The following LOXHD1 variants were observed in gnomAD, a reference collection of about 807,000 sequenced individuals.
LOXHD1 encodes the protein lipoxygenase homology domain-containing protein 1.
LOXHD1 carries 205 observed loss-of-function variants against 248.2 expected under a neutral mutation model. The ratio of observed to expected loss-of-function variants is 0.83; its 90% CI spans 0.74 to 0.93. The LOEUF (loss-of-function observed/expected upper bound fraction) is 0.93. LOXHD1 is among the 40% of genes least tolerant of loss of function. The pLI, the probability that LOXHD1 is intolerant of heterozygous loss-of-function variation, is 0.00. For synonymous variants in LOXHD1, 1,113 were observed against 1,162.8 expected (o/e 0.96, Z 0.87); for missense variants, 2,930 against 2,971.6 (o/e 0.99, Z 0.33).
intron 37 of LOXHD1, among the ~76,000 whole-genome samples, chr18:46,494,366 C>T (rs2033693778): frequency 6.6e-6 from 1 of 152,178 alleles, no homozygotes; most frequent in Non-Finnish European, 1.5e-5. Context: ...GCACAAACCA[C>T]TAAAAATTCT....
In LOXHD1 at chr18:46,485,063, T is replaced by A. The variant is rs898486295; in HGVS notation, c.6138A>T (p.Lys2046Asn). Residue 2046 changes from lysine (K) to asparagine (N), a missense_variant, in exon 39 of 41, where the codon AAA becomes AAT. By Grantham distance (94) the Lys-to-Asn change is moderately conservative. Transcript: ENST00000642948. ...TAGAAGAATTTTCCATGAGAAACTC[T>A]TTGGATCGGTTCTTCCTGCCCTCCA... ...LILEGRKNRSKEFLMENSSRQ... is the reference protein window; with the variant it reads ...LILEGRKNRSNEFLMENSSRQ... 1.3e-6 allele frequency: 2 copies of A among 1,550,902 alleles called. No homozygotes were observed. Among genetic ancestry groups the A allele is most frequent in the Non-Finnish European group, 1.7e-6 (2 of 1,146,792 alleles).
At position 46,483,648 on chromosome 18, in the gene LOXHD1, T is replaced by G. The variant is rs2032775671; in HGVS notation, c.6280A>C (p.Lys2094Gln). Reference protein sequence around the residue: ...HLAREDRFIPKRELAWHVKTI... With the variant: ...HLAREDRFIPQRELAWHVKTI... ...TTGACATGCCAGGCAAGTTCTCTCTTGGGGATAAACCGGTCTTCCCTGGCA... is the reference window on the plus strand; with the variant it reads ...TTGACATGCCAGGCAAGTTCTCTCTGGGGGATAAACCGGTCTTCCCTGGCA... Residue 2094 changes from lysine (K) to glutamine (Q), a missense_variant, in exon 40 of 41, where the codon AAG becomes CAG. By Grantham distance (53) the Lys-to-Gln change is moderately conservative. Coordinates refer to ENST00000642948, the MANE Select transcript of LOXHD1 (RefSeq NM_001384474.1). 6.4e-7 allele frequency: 1 copy of G among 1,551,608 alleles called. No individual in the cohort carries two copies. Among genetic ancestry groups the G allele is most frequent in the Non-Finnish European group, 8.7e-7 (1 of 1,146,976 alleles).
chr18:46,618,209 C>T lies in LOXHD1; in HGVS notation c.593G>A (p.Gly198Glu), dbSNP rs2038616626. The T allele has an allele frequency of 1.9e-6, 3 of 1,551,056 alleles. No homozygotes were observed. The highest frequency in any genetic ancestry group is 2.6e-6 in the Non-Finnish European group (3 of 1,146,584). The change falls in exon 5 of 41, where the codon GGA (glycine) becomes GAA (glutamate). Residue 198 changes from glycine (G) to glutamate (E), a missense_variant. Coordinates refer to ENST00000642948, the MANE Select transcript of LOXHD1 (RefSeq NM_001384474.1). ...TDADVFINIF[G>E]EYGDTGERRL... ...CCCATTACCTGTGTCTCCATACTCT[C>T]CAAAAATATTGATGAAGACATCAGC...
intron 6 of LOXHD1, among the ~76,000 whole-genome samples, chr18:46,608,724 C>G (rs2038460068): frequency 6.6e-6 from 1 of 152,338 alleles, no homozygotes; most frequent in East Asian, 1.9e-4. Context: ...CTGGTACCCT[C>G]CAGGCTTGCT....
At chr18:46,488,892 C>T in intron 38 of LOXHD1, 80 bp downstream of exon 38, 1 of 1,458,022 alleles carries the variant, frequency 6.9e-7, no homozygotes, top group Non-Finnish European at 9.3e-7. Context: ...GCACCTGACC[C>T]CCCTCCAGCT....
chr18:46,496,533 CAT>C (rs1206780183), intron 37 of LOXHD1, among the ~76,000 whole-genome samples: 1 of 151,980 alleles, frequency 6.6e-6, no homozygotes, highest in African/African-American at 2.4e-5. Flanking sequence ...TTAAAATAAA[CAT>C]AAAAAGTGTG....
intron 17 of LOXHD1, among the ~76,000 whole-genome samples, chr18:46,564,195 G>A (rs1408206083): frequency 6.6e-6 from 1 of 151,854 alleles, no homozygotes; most frequent in Non-Finnish European, 1.5e-5. Flanking sequence ...TTCATAGTAG[G>A]AAGTCAATAG....
chr18:46,514,520 TG>T, intron 34 of LOXHD1, among the ~76,000 whole-genome samples: 1 of 152,314 alleles, frequency 6.6e-6, no homozygotes, highest in South Asian at 2.1e-4. Flanking sequence ...GTGATAAAGA[TG>T]TGGAAGAGAG....
chr18:46,631,825 G>C (rs2038828113), intron 4 of LOXHD1, among the ~76,000 whole-genome samples: 1 of 152,214 alleles, frequency 6.6e-6, no homozygotes, highest in Non-Finnish European at 1.5e-5. Flanking sequence ...GCTGTCGGCT[G>C]TCCGTGGTCT....
intron 4 of LOXHD1, among the ~76,000 whole-genome samples, chr18:46,634,238 T>C (rs903078316): frequency 6.6e-6 from 1 of 152,218 alleles, no homozygotes; most frequent in Non-Finnish European, 1.5e-5. Context: ...GGGATGCTAT[T>C]CAGCCTTAAA....
At chr18:46,492,803 T>C (rs1027879571) in intron 37 of LOXHD1, among the ~76,000 whole-genome samples, 5 of 152,230 alleles carry the variant, frequency 3.3e-5, no homozygotes, top group Non-Finnish European at 5.9e-5. Context: ...TTCTTTTTCA[T>C]AGTTGCCTGG....
At position 46,560,136 on chromosome 18, in the gene LOXHD1, T is replaced by C; in HGVS notation, c.3008A>G (p.Glu1003Gly). The change falls in exon 19 of 41, where the codon GAG (glutamate) becomes GGG (glycine). Residue 1003 changes from glutamate (E) to glycine (G), a missense_variant. Physicochemically the swap from Glu to Gly is moderately conservative, Grantham distance 98. Coordinates refer to ENST00000642948, the MANE Select transcript of LOXHD1 (RefSeq NM_001384474.1). ...EAHRWLARGK[E>G]DNELVVELVP... ...CAACTCCACGACAAGTTCGTTGTCC[T>C]CCTTGCCCCGGGCCAGCCAGCGGTG... 6.9e-7 allele frequency: 1 copy of C among 1,446,674 alleles called. No homozygotes were observed. The highest frequency in any genetic ancestry group is 2.1e-5 in the Admixed American group (1 of 46,952). 89.6% of individuals were successfully genotyped at this position (1,446,674 alleles called of 1,614,324 possible).
Position 46,518,137 on chromosome 18 carries a change from CT to C in LOXHD1, c.5390del (p.Lys1797ArgfsTer18). ...GSTEEMQLDKKKARFEREQND... is the reference protein window; with the variant it reads ...GSTEEMQLDKXKARFEREQND... The stretch of plus-strand genomic sequence containing the variant: ...GGGCCGCCTCCAGGTACCTGGCTTT[CT>C]TTTTGTCCAGCTGCATCTCCTCTGT... On this transcript the variant is annotated frameshift_variant, in exon 34 of 41. Coordinates refer to ENST00000642948, the MANE Select transcript of LOXHD1 (RefSeq NM_001384474.1). LOFTEE classifies it high-confidence loss of function. 6.4e-7 allele frequency: 1 copy of C among 1,551,620 alleles called. No homozygotes were observed. Among genetic ancestry groups the C allele is most frequent in the Non-Finnish European group, 8.7e-7 (1 of 1,146,964 alleles).
chr18:46,493,845 G>T (rs1055795896), intron 37 of LOXHD1, among the ~76,000 whole-genome samples: 12 of 152,254 alleles, frequency 7.9e-5, no homozygotes, highest in Middle Eastern at 3.4e-3. Context: ...GGACAAAAGG[G>T]CCCAACTCTG....
Position 46,534,335 on chromosome 18 carries a change from G to A in LOXHD1, c.4212C>T (p.Asp1404=), listed in dbSNP as rs189537926. 50 of 1,549,304 alleles carry A rather than the reference G, an allele frequency of 3.2e-5. No homozygotes were observed. The highest frequency in any genetic ancestry group is 1.7e-4 in the Middle Eastern group (1 of 5,930). ...VDIRRLLPDK[D]GAETLTFPCD... is the part of the protein sequence containing the mutation. ...CAGGACAGACCAGTCAACAACTCAC[G>A]TCTTTATCCGGGAGGAGCCTGCGGA... is the stretch of plus-strand genomic sequence containing the variant. Residue 1404 remains aspartate, a splice_region_variant and synonymous_variant, in exon 27 of 41, where the codon GAC becomes GAT. Transcript: ENST00000642948.
At chr18:46,601,606 C>T in intron 7 of LOXHD1, 139 bp from the exon 8 acceptor site, 1 of 1,136,618 alleles carries the variant, frequency 8.8e-7, no homozygotes, top group East Asian at 2.6e-5. Flanking sequence ...TGTCCTACTC[C>T]TCCAGATGCC....
At chr18:46,591,119 G>A (rs772194907) in intron 12 of LOXHD1, among the ~76,000 whole-genome samples, 5 of 152,182 alleles carry the variant, frequency 3.3e-5, no homozygotes, top group East Asian at 1.9e-4. Flanking sequence ...ATGAGATTAC[G>A]GAGATATTTA....
intron 31 of LOXHD1, among the ~76,000 whole-genome samples, chr18:46,523,523 T>C (rs1259955185): frequency 6.6e-6 from 1 of 152,188 alleles, no homozygotes; most frequent in Admixed American, 6.5e-5. Flanking sequence ...TTTGTTTAAG[T>C]CACCATTTCC....
At chr18:46,576,547 C>T (rs955294559) in intron 14 of LOXHD1, among the ~76,000 whole-genome samples, 2 of 152,174 alleles carry the variant, frequency 1.3e-5, no homozygotes, top group Non-Finnish European at 2.9e-5. Context: ...CCCTTCCAGG[C>T]CCAGGTGCAC....
Sources: allele counts gnomAD v4.1 joint callset (sites outside exome capture counted in the v4.1 genomes callset), GRCh38; gene constraint gnomAD v4.1.1; transcripts MANE v1.5; gene names NCBI Gene and HGNC (gene_info 2026-07-23, HGNC 2026-07-21).